The following ARHGEF7 variants were observed in gnomAD, a reference collection of about 807,000 sequenced individuals.
ARHGEF7 encodes the protein PAK-interacting exchange factor beta.
In ARHGEF7, 33 loss-of-function variants were observed where a neutral mutation model predicts 109.8. The ratio of observed to expected loss-of-function variants is 0.30; its 90% CI spans 0.23 to 0.40. ARHGEF7 has a LOEUF of 0.40. Ranked by LOEUF, ARHGEF7 falls within the 10% of genes least tolerant of loss-of-function variation. The probability of loss-of-function intolerance (pLI) is 1.00; values close to 1 mark genes in which losing one functional copy is unlikely to be tolerated. For missense variants in ARHGEF7, 938 were observed against 1,098.5 expected (o/e 0.85, Z 2.07); for synonymous variants, 458 against 424.6 (o/e 1.08, Z -0.97).
intron 11 of ARHGEF7, 111 bp downstream of exon 11, chr13:111,274,901 T>C: frequency 2.8e-6 from 2 of 713,216 alleles, no homozygotes; most frequent in Non-Finnish European, 4.1e-6. Flanking sequence ...TGTGCTGACA[T>C]GAAAGAAAAA....
chr13:111,265,497 G>T (rs1423971053), intron 8 of ARHGEF7: 2 of 451,786 alleles, frequency 4.4e-6, no homozygotes, highest in African/African-American at 2.0e-5. Context: ...GTACTTAGCC[G>T]CGGAGCGGAA....
chr13:111,286,361 C>T, intron 17 of ARHGEF7, 121 bp downstream of exon 17: 1 of 767,508 alleles, frequency 1.3e-6, no homozygotes, highest in Non-Finnish European at 2.2e-6. Context: ...GTAAGGTCTG[C>T]CCCTTGAGGC....
At chr13:111,186,401 T>C (rs2079260353) in intron 2 of ARHGEF7, among the ~76,000 whole-genome samples, 1 of 152,218 alleles carries the variant, frequency 6.6e-6, no homozygotes, top group African/African-American at 2.4e-5. Flanking sequence ...ATCATTTGGG[T>C]GCATGTTGGG....
chr13:111,201,329 C>T (rs1236554407), intron 2 of ARHGEF7, among the ~76,000 whole-genome samples: 1 of 152,152 alleles, frequency 6.6e-6, no homozygotes, highest in Non-Finnish European at 1.5e-5. Flanking sequence ...AGATAATTTT[C>T]CTAAACAGTG....
In ARHGEF7 at chr13:111,228,925, C is replaced by T. The variant is rs867684621; in HGVS notation, c.671-4280C>T. Among the ~76,000 whole-genome samples the T allele has an allele frequency of 2.0e-5, 3 of 151,978 alleles. No individual in the cohort carries two copies. The highest frequency in any genetic ancestry group is 4.8e-5 in the African/African-American group (2 of 41,366). On this transcript the variant is annotated intron_variant, in intron 5 of 21. Coordinates refer to ENST00000646102, the MANE Select transcript of ARHGEF7 (RefSeq NM_001354046.2). The surrounding 1 kb of genome is among the most constrained non-coding windows in gnomAD (Gnocchi z 4.6). ...GTTGGTGACACGTCACAAATGAAAG[C>T]GTAACCACTGAAACAGAGGGAAGCG...
At position 111,286,258 on chromosome 13, in the gene ARHGEF7, G is replaced by A. The variant is rs751121022; in HGVS notation, c.2044+18G>A. The A allele has an allele frequency of 1.0e-5, 16 of 1,598,802 alleles. No individual in the cohort carries two copies. The highest frequency in any genetic ancestry group is 6.7e-5 in the African/African-American group (5 of 74,532). On this transcript the variant is annotated intron_variant, in intron 17 of 21. Transcript: ENST00000646102. ...CCGGAAAAGTGAGTACCTGCGGTCC[G>A]TGTGGTGGAGGACGTGGCCTCCTGG... is the stretch of plus-strand genomic sequence containing the variant.
chr13:111,136,143 A>T (rs1386129216), intron 1 of ARHGEF7, among the ~76,000 whole-genome samples: 2 of 152,182 alleles, frequency 1.3e-5, no homozygotes, highest in Non-Finnish European at 2.9e-5. Context: ...CCAGGGATGA[A>T]GCCCACTTGA....
intron 2 of ARHGEF7, among the ~76,000 whole-genome samples, chr13:111,161,546 A>C (rs1456304947): frequency 6.6e-6 from 1 of 152,210 alleles, no homozygotes; most frequent in African/African-American, 2.4e-5. Context: ...CCAAAGAGAC[A>C]ATAGCTGTTA....
rs1038858625 is a variant in ARHGEF7, at chr13:111,115,417, C to T, written c.-110C>T. 9 of 859,388 alleles carry T rather than the reference C, an allele frequency of 1.0e-5. No homozygotes were observed. The East Asian group carries it at 8.7e-4, about 83-fold the overall frequency. 53.2% of individuals were successfully genotyped at this position (859,388 alleles called of 1,614,324 possible). ...GCCGCGCCGAGCCAATCGCCGGCGCCGGCCGCTCGATGGGCGAGGCGGCGG... is the reference window on the plus strand; with the variant it reads ...GCCGCGCCGAGCCAATCGCCGGCGCTGGCCGCTCGATGGGCGAGGCGGCGG... On this transcript the variant is annotated 5_prime_UTR_variant, in exon 1 of 22. Coordinates refer to ENST00000646102, the MANE Select transcript of ARHGEF7 (RefSeq NM_001354046.2).
intron 2 of ARHGEF7, among the ~76,000 whole-genome samples, chr13:111,165,920 A>G (rs2077088482): frequency 6.6e-6 from 1 of 152,182 alleles, no homozygotes; most frequent in Non-Finnish European, 1.5e-5. Flanking sequence ...TTGTAGATTA[A>G]AGGGTGAGAT....
In ARHGEF7 at chr13:111,203,214, T is replaced by C. The variant is rs891271861; in HGVS notation, c.253-2075T>C. 26 of 703,306 alleles carry C rather than the reference T, an allele frequency of 3.7e-5. No individual in the cohort carries two copies. In the African/African-American group the frequency reaches 5.0e-4, roughly 13 times the overall value. The allele number at this position is 703,306 out of a possible 1,614,324, so 43.6% of individuals were successfully genotyped here. ...TTTCAGAGCACTAAGATTAGATCTG[T>C]AGAGCTGAAAGACATTCAGATCTCC... On this transcript the variant is annotated intron_variant, in intron 2 of 21. Transcript: ENST00000646102.
chr13:111,264,320 G>A (rs757664213), intron 8 of ARHGEF7, among the ~76,000 whole-genome samples: 1 of 152,178 alleles, frequency 6.6e-6, no homozygotes, highest in Non-Finnish European at 1.5e-5. Context: ...TGAGATTAAC[G>A]CAACTGAAGA....
At chr13:111,243,118 G>GT (rs1327463957) in intron 6 of ARHGEF7, among the ~76,000 whole-genome samples, 1 of 152,134 alleles carries the variant, frequency 6.6e-6, no homozygotes, top group Non-Finnish European at 1.5e-5. Flanking sequence ...TAAACCTTTA[G>GT]TTTTTAATAA....
At chr13:111,276,790 C>T (rs555307932) in intron 12 of ARHGEF7, among the ~76,000 whole-genome samples, 1 of 152,288 alleles carries the variant, frequency 6.6e-6, no homozygotes, top group East Asian at 1.9e-4. Flanking sequence ...GCCTAATGTT[C>T]TGAGGAATAT....
chr13:111,186,523 A>G (rs1252710024), intron 2 of ARHGEF7, among the ~76,000 whole-genome samples: 4 of 152,196 alleles, frequency 2.6e-5, no homozygotes, highest in Admixed American at 6.5e-5. Context: ...GTGAAAACGT[A>G]CTGCTGGATT....
At chr13:111,230,624 C>T (rs1204672519) in intron 5 of ARHGEF7, among the ~76,000 whole-genome samples, 1 of 152,106 alleles carries the variant, frequency 6.6e-6, no homozygotes, top group Non-Finnish European at 1.5e-5. Context: ...TTCCTGTCTC[C>T]CCTGCAGGGT....
intron 13 of ARHGEF7, 120 bp downstream of exon 13, chr13:111,277,793 G>T (rs1362779132): frequency 1.5e-6 from 1 of 657,442 alleles, no homozygotes; most frequent in South Asian, 2.0e-5. Context: ...GTGTAGTGCT[G>T]TATATTCAGA....
chr13:111,192,229 T>TC (rs1009437141), intron 2 of ARHGEF7, among the ~76,000 whole-genome samples: 10 of 152,066 alleles, frequency 6.6e-5, no homozygotes, highest in African/African-American at 2.2e-4. Context: ...GTGTGGTGAA[T>TC]CCAAGATTCC....
chr13:111,170,762 G>T (rs1042777588), intron 2 of ARHGEF7, among the ~76,000 whole-genome samples: 11 of 152,210 alleles, frequency 7.2e-5, no homozygotes, highest in Non-Finnish European at 1.3e-4. Flanking sequence ...TGGTGCCCAG[G>T]CCCCTGGAAG....
Sources: gnomAD v4.1 joint callset for allele counts (sites outside exome capture counted in the v4.1 genomes callset) on GRCh38, gnomAD v4.1.1 for gene constraint, Gnocchi (gnomAD v3.1) non-coding constraint, MANE v1.5 for transcripts, NCBI Gene and HGNC (gene_info 2026-07-23, HGNC 2026-07-21) for gene names.